Variants in TTC7B observed in about 807,000 individuals in gnomAD.
TTC7B encodes tetratricopeptide repeat protein 7B.
A neutral mutation model predicts 106.8 loss-of-function variants in TTC7B; 28 were observed. The observed-to-expected ratio is 0.26, with a 90% CI of 0.19 to 0.36. The LOEUF is 0.36. TTC7B is among the 10% of genes least tolerant of loss of function. The pLI is 1.00. For missense variants in TTC7B, 862 were observed against 1,076.4 expected (o/e 0.80, Z 2.79); for synonymous variants, 405 against 430.6 (o/e 0.94, Z 0.74).
rs1268297545 is a variant in TTC7B, at chr14:90,578,570, C to A, written c.2108-262G>T. On this transcript the variant is annotated intron_variant, in intron 18 of 19. Coordinates refer to ENST00000328459, the MANE Select transcript of TTC7B (RefSeq NM_001010854.2). This position sits in a 1 kb window ranked among gnomAD's most constrained non-coding sequence, Gnocchi z 4.7. ...AGGGAGCAGTGAGGCCTGCCTGGTCCCTGCCCCAACCTCTGAGGGCACCCA... is the reference window on the plus strand; with the variant it reads ...AGGGAGCAGTGAGGCCTGCCTGGTCACTGCCCCAACCTCTGAGGGCACCCA... Among the ~76,000 whole-genome samples the A allele has an allele frequency of 6.6e-6, 1 of 152,048 alleles. No individual in the cohort carries two copies. Among genetic ancestry groups the A allele is most frequent in the African/African-American group, 2.4e-5 (1 of 41,394 alleles).
intron 19 of TTC7B, among the ~76,000 whole-genome samples, chr14:90,564,233 C>T (rs1890697286): frequency 6.6e-6 from 1 of 152,136 alleles, no homozygotes; most frequent in African/African-American, 2.4e-5. Context: ...TGTACAACTC[C>T]AGCAGAGCTC....
intron 19 of TTC7B, among the ~76,000 whole-genome samples, chr14:90,557,184 G>A (rs1407299858): frequency 6.6e-6 from 1 of 152,154 alleles, no homozygotes; most frequent in Non-Finnish European, 1.5e-5. Context: ...ATCCCTTTGC[G>A]AGGGCCTCAC....
chr14:90,629,043 C>T (rs1022222627), intron 15 of TTC7B, among the ~76,000 whole-genome samples: 1 of 152,256 alleles, frequency 6.6e-6, no homozygotes, highest in Admixed American at 6.5e-5. Flanking sequence ...CTTGGCCCTC[C>T]TGAGCCTGGC....
chr14:90,629,520 G>A (rs1018665398), intron 15 of TTC7B, among the ~76,000 whole-genome samples: 1 of 152,214 alleles, frequency 6.6e-6, no homozygotes, highest in East Asian at 1.9e-4. Context: ...ACTCTGCACG[G>A]ACAAAGTTTC....
intron 19 of TTC7B, among the ~76,000 whole-genome samples, chr14:90,572,084 G>A (rs1891058522): frequency 6.6e-6 from 1 of 152,186 alleles, no homozygotes; most frequent in Admixed American, 6.5e-5. Context: ...ACGAGAGAGA[G>A]AGAAAAACAC....
chr14:90,774,009 G>A (rs1196600802), intron 3 of TTC7B, among the ~76,000 whole-genome samples: 1 of 152,154 alleles, frequency 6.6e-6, no homozygotes, highest in Non-Finnish European at 1.5e-5. Context: ...TATGATGAAA[G>A]GCTTCTATTC....
intron 8 of TTC7B, among the ~76,000 whole-genome samples, chr14:90,678,493 T>C (rs978454490): frequency 2.6e-5 from 4 of 152,204 alleles, no homozygotes; most frequent in Non-Finnish European, 5.9e-5. Context: ...TCAAAGGATA[T>C]GGAAAAAAGG....
At chr14:90,776,176 C>CACACAT (rs57317430) in intron 3 of TTC7B, among the ~76,000 whole-genome samples, 14 of 150,428 alleles carry the variant, frequency 9.3e-5, no homozygotes, top group Non-Finnish European at 1.6e-4. Context: ...CACACACACA[C>CACACAT]GCCAGGAATG....
Position 90,570,449 on chromosome 14 carries a change from C to T in TTC7B, c.2310+7657G>A, listed in dbSNP as rs1021189797. On this transcript the variant is annotated intron_variant, in intron 19 of 19. Transcript: ENST00000328459. The surrounding 1 kb of genome is among the most constrained non-coding windows in gnomAD (Gnocchi z 4.0). ...CTCAAAATCCAACACTTTCTATCTC[C>T]GCCTAGGAACAAATCACCCCAGGGG... is the stretch of plus-strand genomic sequence containing the variant. Among the ~76,000 whole-genome samples the T allele has an allele frequency of 3.3e-5, 5 of 152,170 alleles. No individual in the cohort carries two copies. The highest frequency in any genetic ancestry group is 2.1e-4 in the South Asian group (1 of 4,832).
At chr14:90,789,812 C>T (rs1271456483) in intron 1 of TTC7B, among the ~76,000 whole-genome samples, 1 of 151,140 alleles carries the variant, frequency 6.6e-6, no homozygotes, top group Non-Finnish European at 1.5e-5. Flanking sequence ...AGGAGAATGG[C>T]GTGAACCTGG....
At position 90,786,923 on chromosome 14, in the gene TTC7B, A is replaced by G. The variant is rs941757858; in HGVS notation, c.122-595T>C. Among the ~76,000 whole-genome samples the G allele has an allele frequency of 1.3e-4, 20 of 152,278 alleles. No homozygotes were observed. The South Asian group carries it at 4.2e-3, about 32-fold the overall frequency. On this transcript the variant is annotated intron_variant, in intron 1 of 19. Transcript: ENST00000328459. The stretch of plus-strand genomic sequence containing the variant: ...AACGTGGAGAGAGTTCAAGTTCAGT[A>G]GGAAAAAAACAAAGGTGGCTTATGA...
At position 90,536,837 on chromosome 14, in the gene TTC7B, A is replaced by G. The variant is rs116868985; in HGVS notation, c.*4531T>C. On this transcript the variant is annotated 3_prime_UTR_variant, in exon 20 of 20. Coordinates refer to ENST00000328459, the MANE Select transcript of TTC7B (RefSeq NM_001010854.2). ...GGAACCTGTGACTATGTTGCCTTCC[A>G]TGACAGATGGAGCGATGCAGATGTG... 1.6e-3 allele frequency: 248 copies of G among 152,468 alleles called. 9 individuals are homozygous for G. The East Asian group carries it at 0.04, about 24-fold the overall frequency. 9.4% of individuals were successfully genotyped at this position (152,468 alleles called of 1,614,324 possible).
chr14:90,810,670 T>C (rs908041887), intron 1 of TTC7B, among the ~76,000 whole-genome samples: 10 of 152,202 alleles, frequency 6.6e-5, no homozygotes, highest in African/African-American at 2.2e-4. Flanking sequence ...TAAAGCATGT[T>C]CCCAGAGGGG....
In TTC7B at chr14:90,578,995, C is replaced by T. The variant is rs140971429; in HGVS notation, c.2108-687G>A. Among the ~76,000 whole-genome samples the T allele has an allele frequency of 1.2e-3, 176 of 152,362 alleles. 1 individual carries two copies. The highest frequency in any genetic ancestry group is 4.0e-3 in the African/African-American group (168 of 41,590). On this transcript the variant is annotated intron_variant, in intron 18 of 19. Transcript: ENST00000328459. This position sits in a 1 kb window ranked among gnomAD's most constrained non-coding sequence, Gnocchi z 4.7. ...TGCTACCGATCCAGGCCTCAACTCT[C>T]TCACCTCCATGTGGAGCCAAACCCC...
chr14:90,624,151 A>G lies in TTC7B; in HGVS notation c.1752-6106T>C, dbSNP rs1306466717. On this transcript the variant is annotated intron_variant, in intron 15 of 19. Transcript: ENST00000328459. The surrounding 1 kb of genome is among the most constrained non-coding windows in gnomAD (Gnocchi z 4.0). The stretch of plus-strand genomic sequence containing the variant: ...GTGTTTTGTGACTTGTCTTTCATCT[A>G]AAAGTCTGGTGCACATAAAATCTGG... Among the ~76,000 whole-genome samples, 1 of 152,224 alleles carries G rather than the reference A, an allele frequency of 6.6e-6. No homozygotes were observed. Among genetic ancestry groups the G allele is most frequent in the African/African-American group, 2.4e-5 (1 of 41,454 alleles).
chr14:90,776,445 G>T (rs568687773), intron 3 of TTC7B, among the ~76,000 whole-genome samples: 1 of 152,292 alleles, frequency 6.6e-6, no homozygotes, highest in South Asian at 2.1e-4. Context: ...GACGCCTTAA[G>T]TGAGCATGCG....
rs7154190 is a variant in TTC7B at position 90,610,716 on chromosome 14, C to A, written c.1966+26G>T. The A allele has an allele frequency of 4.7e-4, 725 of 1,527,072 alleles. 8 individuals are homozygous for A. In the African/African-American group the frequency reaches 8.6e-3, roughly 18 times the overall value. The allele number at this position is 1,527,072 out of a possible 1,614,324, so 94.6% of individuals were successfully genotyped here. A position where few individuals can be genotyped will look rare whatever the true frequency, so the allele number is the denominator to read the frequency against. ...CCCCACATTCTCCATTACACCATTTCGTCCCCTCTGGCTTTTTATTCTCAC... is the reference window on the plus strand; with the variant it reads ...CCCCACATTCTCCATTACACCATTTAGTCCCCTCTGGCTTTTTATTCTCAC... On this transcript the variant is annotated intron_variant, in intron 17 of 19. Transcript: ENST00000328459.
Position 90,578,053 on chromosome 14 carries a change from C to T in TTC7B, c.2310+53G>A. On this transcript the variant is annotated intron_variant, in intron 19 of 19. Transcript: ENST00000328459. The surrounding 1 kb of genome is among the most constrained non-coding windows in gnomAD (Gnocchi z 4.7). ...AGGGTCATGTGCTACCTGCCGCTTC[C>T]AAGGGCTGTCCCCATGCCAGAGTAG... 1 of 1,558,256 alleles carries T rather than the reference C, an allele frequency of 6.4e-7. No homozygotes were observed.
At chr14:90,750,554 T>C (rs770886151) in intron 3 of TTC7B, among the ~76,000 whole-genome samples, 4 of 152,192 alleles carry the variant, frequency 2.6e-5, no homozygotes, top group African/African-American at 4.8e-5. Context: ...TCCACAGTCA[T>C]GTATGGTCAG....
Sources: gnomAD v4.1 joint callset for allele counts (sites outside exome capture counted in the v4.1 genomes callset) on GRCh38, gnomAD v4.1.1 for gene constraint, Gnocchi (gnomAD v3.1) non-coding constraint, MANE v1.5 for transcripts, NCBI Gene and HGNC (gene_info 2026-07-23, HGNC 2026-07-21) for gene names.